PDE3A: variants seen among roughly 807,000 people sequenced by gnomAD.
PDE3A encodes the protein cGMP-inhibited 3',5'-cyclic phosphodiesterase 3A.
PDE3A carries 43 observed loss-of-function variants against 98.3 expected under a neutral mutation model. The observed-to-expected ratio is 0.44, with a 90% CI of 0.34 to 0.56. The LOEUF (loss-of-function observed/expected upper bound fraction) is 0.56, where lower values mean the gene tolerates loss of function less well. Among genes scored for constraint, PDE3A ranks in the 20% least tolerant of loss-of-function variants. The probability of loss-of-function intolerance (pLI) is 0.01; values close to 1 mark genes in which losing one functional copy is unlikely to be tolerated. For missense variants in PDE3A, 1,427 were observed against 1,440.7 expected (o/e 0.99, Z 0.15); for synonymous variants, 663 against 567.9 (o/e 1.17, Z -2.38).
intron 1 of PDE3A, among the ~76,000 whole-genome samples, chr12:20,494,525 T>C (rs999836033): frequency 5.3e-5 from 8 of 152,104 alleles, no homozygotes. Flanking sequence ...GTGAGTGTTA[T>C]GTATGTGTGT....
At chr12:20,529,372 C>T (rs1314542486) in intron 1 of PDE3A, among the ~76,000 whole-genome samples, 1 of 152,020 alleles carries the variant, frequency 6.6e-6, no homozygotes, top group African/African-American at 2.4e-5. Context: ...AAAACTGAGA[C>T]CCATATACTA....
chr12:20,405,104 AG>A (rs1225894738), intron 1 of PDE3A, among the ~76,000 whole-genome samples: 10 of 152,124 alleles, frequency 6.6e-5, no homozygotes, highest in African/African-American at 2.4e-4. Context: ...GAAATGGAAA[AG>A]GGGAAATAGA....
chr12:20,552,640 G>A lies in PDE3A; in HGVS notation c.961-4020G>A. 6.2e-7 allele frequency: 1 copy of A among 1,613,916 alleles called. No individual in the cohort carries two copies. The highest frequency in any genetic ancestry group is 8.5e-7 in the Non-Finnish European group (1 of 1,179,860). ...GCGCCGGACATCCAAGAAAACCAAG[G>A]TGGAGCCCTACAGTCTCACGGCCCA... On this transcript the variant is annotated intron_variant, in intron 1 of 15. Coordinates refer to ENST00000359062, the MANE Select transcript of PDE3A (RefSeq NM_000921.5). The surrounding 1 kb of genome is among the most constrained non-coding windows in gnomAD (Gnocchi z 5.1).
intron 1 of PDE3A, among the ~76,000 whole-genome samples, chr12:20,400,323 T>G (rs188567757): frequency 3.4e-5 from 5 of 147,798 alleles, no homozygotes; most frequent in African/African-American, 1.3e-4. Flanking sequence ...CTGATGAGGG[T>G]GGAGGTAGTA....
At chr12:20,594,921 C>T (rs1220948732) in intron 2 of PDE3A, among the ~76,000 whole-genome samples, 5 of 151,446 alleles carry the variant, frequency 3.3e-5, no homozygotes, top group East Asian at 1.9e-4. Flanking sequence ...ACTTGTAGAT[C>T]GATACATTAT....
intron 1 of PDE3A, among the ~76,000 whole-genome samples, chr12:20,395,270 C>T (rs1217790809): frequency 6.6e-6 from 1 of 151,708 alleles, no homozygotes; most frequent in African/African-American, 2.4e-5. Context: ...TTGCTTGCAG[C>T]CTGGAAAGTA....
chr12:20,497,701 G>GAGT (rs2121070477), intron 1 of PDE3A, among the ~76,000 whole-genome samples: 1 of 152,228 alleles, frequency 6.6e-6, no homozygotes, highest in South Asian at 2.1e-4. Flanking sequence ...ATGGAAAGAA[G>GAGT]AGTTCAGAGG....
intron 1 of PDE3A, 96 bp downstream of exon 1, chr12:20,370,340 G>A: frequency 9.4e-7 from 1 of 1,059,654 alleles, no homozygotes; most frequent in South Asian, 2.7e-5. Flanking sequence ...GAACTAAAGG[G>A]AAGATAGCCT....
Position 20,552,536 on chromosome 12 carries a change from G to T in PDE3A, c.961-4124G>T, listed in dbSNP as rs1445628288. 2 of 1,613,302 alleles carry T rather than the reference G, an allele frequency of 1.2e-6. No individual in the cohort carries two copies. Among genetic ancestry groups the T allele is most frequent in the Non-Finnish European group, 1.7e-6 (2 of 1,179,642 alleles). ...GAGGAGGAGGAGCAGCAGGAGGGGG[G>T]CTTCGCGTCCCCCAGGACGGGCAAG... On this transcript the variant is annotated intron_variant, in intron 1 of 15. Coordinates refer to ENST00000359062, the MANE Select transcript of PDE3A (RefSeq NM_000921.5). The surrounding 1 kb of genome is among the most constrained non-coding windows in gnomAD (Gnocchi z 5.1).
At chr12:20,548,178 T>C (rs1565584979) in intron 1 of PDE3A, among the ~76,000 whole-genome samples, 1 of 152,122 alleles carries the variant, frequency 6.6e-6, no homozygotes, top group Non-Finnish European at 1.5e-5. Flanking sequence ...TTACTTTGTT[T>C]GCCAGGAATA....
chr12:20,672,475 A>G (rs1945509992), intron 15 of PDE3A, among the ~76,000 whole-genome samples: 1 of 151,680 alleles, frequency 6.6e-6, no homozygotes, highest in Non-Finnish European at 1.5e-5. Context: ...TAACCAAAAC[A>G]GCATGGTACT....
intron 1 of PDE3A, among the ~76,000 whole-genome samples, chr12:20,547,874 G>A (rs1040642685): frequency 6.6e-6 from 1 of 152,000 alleles, no homozygotes; most frequent in African/African-American, 2.4e-5. Flanking sequence ...TATTTCTCAT[G>A]CTATTGTTAA....
intron 1 of PDE3A, among the ~76,000 whole-genome samples, chr12:20,395,560 GTA>G (rs1210473407): frequency 6.9e-6 from 1 of 144,422 alleles, no homozygotes; most frequent in Non-Finnish European, 1.5e-5. Flanking sequence ...TGTACACATA[GTA>G]TATATATACA....
intron 2 of PDE3A, among the ~76,000 whole-genome samples, chr12:20,566,726 A>C (rs1449926654): frequency 6.6e-6 from 1 of 151,940 alleles, no homozygotes; most frequent in Non-Finnish European, 1.5e-5. Context: ...AATATAGAAA[A>C]GACCATCTCA....
At chr12:20,567,801 A>G (rs902562604) in intron 2 of PDE3A, among the ~76,000 whole-genome samples, 2 of 151,994 alleles carry the variant, frequency 1.3e-5, no homozygotes, top group African/African-American at 2.4e-5. Flanking sequence ...CTTAAAATCA[A>G]TGGAACAAAC....
At chr12:20,494,398 C>A (rs1352802332) in intron 1 of PDE3A, among the ~76,000 whole-genome samples, 1 of 152,046 alleles carries the variant, frequency 6.6e-6, no homozygotes, top group Non-Finnish European at 1.5e-5. Flanking sequence ...AAATTCAGGG[C>A]CAAATATTTT....
At chr12:20,577,790 T>C (rs1942970715) in intron 2 of PDE3A, among the ~76,000 whole-genome samples, 1 of 152,170 alleles carries the variant, frequency 6.6e-6, no homozygotes, top group African/African-American at 2.4e-5. Flanking sequence ...ATACAGGAAA[T>C]GTGCAGTCAT....
chr12:20,551,885 G>T, intron 1 of PDE3A: 2 of 1,613,608 alleles, frequency 1.2e-6, no homozygotes, highest in Non-Finnish European at 1.7e-6. Context: ...AACCACTACG[G>T]ACCCATCCCG....
intron 1 of PDE3A, among the ~76,000 whole-genome samples, chr12:20,405,809 G>A (rs1944222110): frequency 6.6e-6 from 1 of 152,174 alleles, no homozygotes; most frequent in South Asian, 2.1e-4. Context: ...TAACTATATT[G>A]TAAATTAGAT....
Sources: gnomAD v4.1 joint callset for allele counts (sites outside exome capture counted in the v4.1 genomes callset) on GRCh38, gnomAD v4.1.1 for gene constraint, Gnocchi (gnomAD v3.1) non-coding constraint, MANE v1.5 for transcripts, NCBI Gene and HGNC (gene_info 2026-07-23, HGNC 2026-07-21) for gene names.